TMCO6: variants seen among roughly 807,000 people sequenced by gnomAD.
The protein encoded by TMCO6 is transmembrane and coiled-coil domain-containing protein 6.
A neutral mutation model predicts 61.8 loss-of-function variants in TMCO6; 47 were observed. That is an observed-to-expected ratio of 0.76 (90% confidence interval 0.60 to 0.97). The LOEUF (loss-of-function observed/expected upper bound fraction) is 0.97. Among genes scored for constraint, TMCO6 ranks in the 50% least tolerant of loss-of-function variants. The pLI is 0.00. For missense variants in TMCO6, 557 were observed against 601.6 expected, an observed-to-expected ratio of 0.93 and a Z score of 0.78; for synonymous variants, 261 against 254.2, an observed-to-expected ratio of 1.03 and a Z score of -0.25.
the TMCO6 span, among the ~76,000 whole-genome samples, chr5:140,600,470 T>G: frequency 7.3e-6 from 1 of 137,242 alleles, no homozygotes; most frequent in East Asian, 2.0e-4. Flanking sequence ...ATTTGTTTTG[T>G]TTTTTTTTTT....
the TMCO6 span, among the ~76,000 whole-genome samples, chr5:140,601,564 TA>T: frequency 4.6e-5 from 7 of 152,334 alleles, no homozygotes; most frequent in South Asian, 1.4e-3. Flanking sequence ...TTATTCCATT[TA>T]TTTTTTTGAG....
At chr5:140,631,760 G>T in the TMCO6 span, 5 of 1,154,482 alleles carry the variant, frequency 4.3e-6, no homozygotes, top group Non-Finnish European at 5.0e-6. Context: ...TAAAGGTGGG[G>T]CAAAGGGTTG....
the TMCO6 span, among the ~76,000 whole-genome samples, chr5:140,600,485 A>C: frequency 6.9e-6 from 1 of 145,142 alleles, no homozygotes; most frequent in Admixed American, 6.9e-5. Context: ...TTTTTTTTTG[A>C]GACAGAGTCT....
chr5:140,633,103 G>A, the TMCO6 span: 4 of 1,613,660 alleles, frequency 2.5e-6, no homozygotes, highest in African/African-American at 4.0e-5. Flanking sequence ...TCTGAGCTCC[G>A]GACAGGCTCT....
chr5:140,628,078 G>A, the TMCO6 span, among the ~76,000 whole-genome samples: 13 of 149,690 alleles, frequency 8.7e-5, no homozygotes, highest in Admixed American at 3.3e-4. Flanking sequence ...GCGCAACCTC[G>A]GCTCACCACA....
At chr5:140,613,295 A>G in the TMCO6 span, among the ~76,000 whole-genome samples, 1 of 149,912 alleles carries the variant, frequency 6.7e-6, no homozygotes, top group Non-Finnish European at 1.5e-5. Flanking sequence ...AGGCTGAAGC[A>G]GGAAAATCGT....
downstream of TMCO6, among the ~76,000 whole-genome samples, chr5:140,646,184 T>G (rs1757388022): frequency 6.6e-6 from 1 of 152,060 alleles, no homozygotes; most frequent in Non-Finnish European, 1.5e-5. Context: ...CTAATTTTTG[T>G]ATGTTTAGTA....
intron 2 of TMCO6, chr5:140,641,458 T>C (rs940953037): frequency 3.5e-6 from 2 of 573,892 alleles, no homozygotes; most frequent in Non-Finnish European, 6.4e-6. Context: ...AGGTCCCATA[T>C]GGAGTAAGTG....
chr5:140,597,516 T>C, the TMCO6 span, among the ~76,000 whole-genome samples: 2 of 152,230 alleles, frequency 1.3e-5, no homozygotes, highest in East Asian at 3.8e-4. Flanking sequence ...CATCCCTTGC[T>C]CTGGGTCTCT....
At chr5:140,616,516 C>T in the TMCO6 span, among the ~76,000 whole-genome samples, 2 of 152,134 alleles carry the variant, frequency 1.3e-5, no homozygotes, top group Non-Finnish European at 2.9e-5. Context: ...GAGCTATGAT[C>T]ACGCCACTGC....
the TMCO6 span, chr5:140,632,873 G>C: frequency 6.2e-7 from 1 of 1,614,186 alleles, no homozygotes; most frequent in Non-Finnish European, 8.5e-7. This position sits in a 1 kb window ranked among gnomAD's most constrained non-coding sequence, Gnocchi z 6.2. Context: ...GTTCGGAGAA[G>C]TTGCAGACGC....
chr5:140,623,773 G>T, the TMCO6 span, among the ~76,000 whole-genome samples: 1 of 152,008 alleles, frequency 6.6e-6, no homozygotes, highest in East Asian at 1.9e-4. Flanking sequence ...GAGATGGAGG[G>T]TCTCAGTATG....
chr5:140,637,506 G>GC (rs1561938861), upstream of TMCO6, among the ~76,000 whole-genome samples: 1 of 151,998 alleles, frequency 6.6e-6, no homozygotes, highest in Non-Finnish European at 1.5e-5. Context: ...TTCTAAGGCC[G>GC]CCCCCCACAA....
At chr5:140,631,249 A>T in the TMCO6 span, among the ~76,000 whole-genome samples, 1 of 152,086 alleles carries the variant, frequency 6.6e-6, no homozygotes, top group Non-Finnish European at 1.5e-5. Flanking sequence ...TAATATTATG[A>T]AACTCAGAGC....
In TMCO6 at chr5:140,641,732, G is replaced by C. The variant is rs1757045383; in HGVS notation, c.266G>C (p.Ser89Thr). The C allele has an allele frequency of 6.2e-7, 1 of 1,614,226 alleles. No homozygotes were observed. Among genetic ancestry groups the C allele is most frequent in the East Asian group, 2.2e-5 (1 of 44,878 alleles). ...EEKEREGALV[S>T]LRRGLQHPET... The stretch of plus-strand genomic sequence containing the variant: ...AAGGAGAGAGAGGGGGCTCTGGTCA[G>C]CCTTCGTCGAGGCTTGCAGCACCCT... The change falls in exon 3 of 12, where the codon AGC becomes ACC. Residue 89 changes from serine to threonine, a missense_variant. Physicochemically the swap from Ser to Thr is moderately conservative, Grantham distance 58. Transcript: ENST00000394671.
chr5:140,604,054 A>T, the TMCO6 span, among the ~76,000 whole-genome samples: 444 of 152,280 alleles, frequency 2.9e-3, 1 homozygote, highest in African/African-American at 0.01. Context: ...GTGTGTAGTG[A>T]TATCTCATTG....
chr5:140,607,068 AT>A, the TMCO6 span, among the ~76,000 whole-genome samples: 4 of 152,008 alleles, frequency 2.6e-5, no homozygotes, highest in African/African-American at 9.7e-5. Context: ...TATTTTGGCC[AT>A]TTTTAAGTGT....
the TMCO6 span, among the ~76,000 whole-genome samples, chr5:140,631,445 A>T: frequency 1.3e-5 from 2 of 152,138 alleles, no homozygotes; most frequent in African/African-American, 4.8e-5. Flanking sequence ...ATAGGAGAGG[A>T]AATATTTTGT....
chr5:140,632,738 A>C, the TMCO6 span: 1 of 1,613,642 alleles, frequency 6.2e-7, no homozygotes, highest in Non-Finnish European at 8.5e-7. This position sits in a 1 kb window ranked among gnomAD's most constrained non-coding sequence, Gnocchi z 6.2. Context: ...CCGTGTCAGC[A>C]TACTGCCGCG....
Sources: gnomAD v4.1 joint callset for allele counts (sites outside exome capture counted in the v4.1 genomes callset) on GRCh38, gnomAD v4.1.1 for gene constraint, Gnocchi (gnomAD v3.1) non-coding constraint, MANE v1.5 for transcripts, NCBI Gene and HGNC (gene_info 2026-07-23, HGNC 2026-07-21) for gene names.